Variants in PHLPP1 observed in about 807,000 individuals in gnomAD.
PHLPP1 encodes PH domain and leucine rich repeat protein phosphatase 1, also known as PH domain leucine-rich repeat-containing protein phosphatase 1.
A neutral mutation model predicts 117.2 loss-of-function variants in PHLPP1; 42 were observed. The ratio of observed to expected loss-of-function variants is 0.36; its 90% CI spans 0.28 to 0.46. The LOEUF is 0.46. PHLPP1 is among the 20% of genes least tolerant of loss of function. The pLI, the probability that PHLPP1 is intolerant of heterozygous loss-of-function variation, is 1.00. For missense variants in PHLPP1, 2,084 were observed against 2,241.9 expected, an observed-to-expected ratio of 0.93 and a Z score of 1.42; for synonymous variants, 1,042 against 970.7, an observed-to-expected ratio of 1.07 and a Z score of -1.37.
intron 1 of PHLPP1, among the ~76,000 whole-genome samples, chr18:62,787,730 T>C (rs1160516306): frequency 1.3e-5 from 2 of 152,216 alleles, no homozygotes; most frequent in African/African-American, 4.8e-5. Context: ...CATATTTCAC[T>C]GGTCTACGTA....
intron 1 of PHLPP1, among the ~76,000 whole-genome samples, chr18:62,757,675 T>C (rs1271953907): frequency 6.6e-6 from 1 of 152,238 alleles, no homozygotes; most frequent in African/African-American, 2.4e-5. Flanking sequence ...TTTTCTTCTC[T>C]AAATTCTTTA....
chr18:62,835,208 CCTTTTTTTTTTT>C (rs1430703702), intron 2 of PHLPP1, among the ~76,000 whole-genome samples: 18 of 148,444 alleles, frequency 1.2e-4, no homozygotes, highest in Middle Eastern at 3.5e-3. Context: ...TTTTTTTTTT[CCTTTTTTTTTTT>C]GAGACAGAGT....
intron 3 of PHLPP1, chr18:62,843,056 C>T (rs1345903309): frequency 6.6e-6 from 1 of 152,196 alleles, no homozygotes; most frequent in African/African-American, 2.4e-5. Context: ...CTTCAATTGT[C>T]ATCTGCTCTT....
intron 9 of PHLPP1, among the ~76,000 whole-genome samples, chr18:62,917,642 C>T (rs747235048): frequency 6.6e-6 from 1 of 151,762 alleles, no homozygotes; most frequent in Non-Finnish European, 1.5e-5. Flanking sequence ...ACTGCAAGAA[C>T]CTATCTCTGC....
At chr18:62,748,852 A>G (rs1287566630) in intron 1 of PHLPP1, among the ~76,000 whole-genome samples, 2 of 152,164 alleles carry the variant, frequency 1.3e-5, no homozygotes, top group African/African-American at 4.8e-5. Context: ...CCCAACACAC[A>G]CACCTTTTAA....
intron 2 of PHLPP1, among the ~76,000 whole-genome samples, chr18:62,833,956 G>A (rs964570372): frequency 6.6e-5 from 10 of 152,186 alleles, no homozygotes; most frequent in Admixed American, 2.6e-4. Context: ...ATGTAGGAAT[G>A]TTTTGATGGT....
chr18:62,726,021 T>G (rs1911058127), intron 1 of PHLPP1, among the ~76,000 whole-genome samples: 1 of 152,144 alleles, frequency 6.6e-6, no homozygotes, highest in African/African-American at 2.4e-5. Flanking sequence ...GACATTCAGT[T>G]TTAAGTAACA....
intron 1 of PHLPP1, among the ~76,000 whole-genome samples, chr18:62,801,993 ATTTTT>A (rs889772912): frequency 6.6e-6 from 1 of 150,942 alleles, no homozygotes; most frequent in African/African-American, 2.4e-5. Flanking sequence ...TACTTTTTCT[ATTTTT>A]TTTAACCGTT....
intron 1 of PHLPP1, chr18:62,731,198 A>C (rs1301444879): frequency 6.6e-6 from 1 of 152,058 alleles, no homozygotes; most frequent in African/African-American, 2.4e-5. Context: ...AATATTTCAA[A>C]ACTTTTCATT....
chr18:62,871,196 T>C (rs1274277594), intron 4 of PHLPP1, among the ~76,000 whole-genome samples: 1 of 152,180 alleles, frequency 6.6e-6, no homozygotes, highest in African/African-American at 2.4e-5. Context: ...ATATATTTTT[T>C]CCCCCATGTC....
chr18:62,873,765 T>C lies in PHLPP1; in HGVS notation c.2066+13164T>C, dbSNP rs778275541. On this transcript the variant is annotated intron_variant, in intron 4 of 16. Coordinates refer to ENST00000262719, the MANE Select transcript of PHLPP1 (RefSeq NM_194449.4). ...ACCAGTTTTACCATAGGTTAATTGA[T>C]ATAAACAAGAGTTAAGTTCTTAGGG... Among the ~76,000 whole-genome samples the C allele has an allele frequency of 7.6e-4, 115 of 152,202 alleles. 1 individual carries two copies. Among genetic ancestry groups the C allele is most frequent in the Non-Finnish European group, 1.5e-3 (102 of 68,038 alleles).
chr18:62,976,132 A>G (rs1911179077), intron 16 of PHLPP1, among the ~76,000 whole-genome samples: 1 of 152,238 alleles, frequency 6.6e-6, no homozygotes, highest in South Asian at 2.1e-4. Context: ...TTGAGTACAC[A>G]GTAAGCAGTT....
At chr18:62,737,189 G>A (rs1911393559) in intron 1 of PHLPP1, among the ~76,000 whole-genome samples, 1 of 151,738 alleles carries the variant, frequency 6.6e-6, no homozygotes. Context: ...GAAAATGAGA[G>A]ACTAGCATTG....
chr18:62,742,746 T>A (rs573081432), intron 1 of PHLPP1, among the ~76,000 whole-genome samples: 38 of 152,330 alleles, frequency 2.5e-4, no homozygotes, highest in African/African-American at 8.2e-4. Flanking sequence ...TTAAAATTTT[T>A]ATCGGAAGCT....
At chr18:62,795,371 G>A (rs1051711213) in intron 1 of PHLPP1, among the ~76,000 whole-genome samples, 5 of 151,296 alleles carry the variant, frequency 3.3e-5, no homozygotes, top group Admixed American at 2.6e-4. Context: ...CCAGCTACTC[G>A]GGAGGCTGAG....
At position 62,838,855 on chromosome 18, in the gene PHLPP1, C is replaced by T. The variant is rs750354083; in HGVS notation, c.1845C>T (p.Tyr615=). 1 of 1,613,694 alleles carries T rather than the reference C, an allele frequency of 6.2e-7. No individual in the cohort carries two copies. The highest frequency in any genetic ancestry group is 8.5e-7 in the Non-Finnish European group (1 of 1,179,618). Residue 615 remains tyrosine (Y), a synonymous_variant, in exon 3 of 17, where the codon TAC becomes TAT. Coordinates refer to ENST00000262719, the MANE Select transcript of PHLPP1 (RefSeq NM_194449.4). ...SSSGPQSQTY[Y]ICFDTFTEYL... is the part of the protein sequence containing the mutation. ...CTGGACCCCAAAGCCAGACTTACTA[C>T]ATTTGCTTTGATACTTTCACAGAAT... is the stretch of plus-strand genomic sequence containing the variant.
intron 1 of PHLPP1, among the ~76,000 whole-genome samples, chr18:62,717,533 T>C (rs1910796219): frequency 6.6e-6 from 1 of 152,208 alleles, no homozygotes; most frequent in African/African-American, 2.4e-5. Flanking sequence ...CAGATCCCTC[T>C]GAAAGCGGCA....
chr18:62,893,291 C>T (rs1328536440), intron 4 of PHLPP1, among the ~76,000 whole-genome samples: 2 of 152,120 alleles, frequency 1.3e-5, no homozygotes, highest in Non-Finnish European at 2.9e-5. Flanking sequence ...GTGATCTGCC[C>T]ACCTCGGCCT....
chr18:62,900,998 T>G (rs1252935878), intron 6 of PHLPP1, among the ~76,000 whole-genome samples: 1 of 152,234 alleles, frequency 6.6e-6, no homozygotes, highest in Non-Finnish European at 1.5e-5. Context: ...CCTGAAAACT[T>G]GGTATTTCAG....
Sources: gnomAD v4.1 joint callset for allele counts (sites outside exome capture counted in the v4.1 genomes callset) on GRCh38, gnomAD v4.1.1 for gene constraint, MANE v1.5 for transcripts, NCBI Gene and HGNC (gene_info 2026-07-23, HGNC 2026-07-21) for gene names.